Variants in CLTCL1 observed in about 807,000 individuals in gnomAD.
CLTCL1 encodes clathrin heavy chain 2.
Under a neutral mutation model 190.0 loss-of-function variants are expected in CLTCL1, and 159 were observed. The ratio of observed to expected loss-of-function variants is 0.84; its 90% CI spans 0.74 to 0.95. The LOEUF (loss-of-function observed/expected upper bound fraction) is 0.95, where lower values mean the gene tolerates loss of function less well. CLTCL1 is among the 40% of genes least tolerant of loss of function. The pLI, the probability that CLTCL1 is intolerant of heterozygous loss-of-function variation, is 0.00. For missense variants in CLTCL1, 1,878 were observed against 2,033.4 expected (o/e 0.92, Z 1.47); for synonymous variants, 752 against 769.6 (o/e 0.98, Z 0.38).
chr22:19,192,845 C>T (rs1426524690), intron 26 of CLTCL1, among the ~76,000 whole-genome samples: 1 of 152,212 alleles, frequency 6.6e-6, no homozygotes, highest in East Asian at 1.9e-4. Context: ...CACTGGTGGG[C>T]CCCCAGACTC....
In CLTCL1 at chr22:19,202,393, A is replaced by ATCCACGGCACCTCCCCCACCAC. The variant is rs2084915079; in HGVS notation, c.3601-901_3601-900insGTGGTGGGGGAGGTGCCGTGGA. Among the ~76,000 whole-genome samples, 35 of 32,260 alleles carry ATCCACGGCACCTCCCCCACCAC rather than the reference A, an allele frequency of 1.1e-3. 1 individual carries two copies. Among genetic ancestry groups the ATCCACGGCACCTCCCCCACCAC allele is most frequent in the Admixed American group, 1.4e-3 (4 of 2,842 alleles). 21.2% of individuals were successfully genotyped at this position (32,260 alleles called of 152,430 possible). On this transcript the variant is annotated intron_variant, in intron 22 of 32. Coordinates refer to ENST00000427926, the MANE Select transcript of CLTCL1 (RefSeq NM_007098.4). ...GCCATCCACAGCACCTCCCGCACCA[A>ATCCACGGCACCTCCCCCACCAC]CCCTCCTTCCGCCATCCACGGCACC...
rs1238694667 is a variant in CLTCL1 at position 19,243,693 on chromosome 22, C to CT, written c.520-758dup. Among the ~76,000 whole-genome samples, 776 of 103,512 alleles carry CT rather than the reference C, an allele frequency of 7.5e-3. 11 individuals are homozygous for CT. The highest frequency in any genetic ancestry group is 0.045 in the South Asian group (106 of 2,380). 67.9% of individuals were successfully genotyped at this position (103,512 alleles called of 152,430 possible). On this transcript the variant is annotated intron_variant, in intron 3 of 32. Transcript: ENST00000427926. Reference sequence around the variant, plus strand: ...CTTAGAACTTGTATTTTCTTTCTTTCTTTCTTTTTTTTTTTTTTTTTTGTG... The same window carrying CT: ...CTTAGAACTTGTATTTTCTTTCTTTCTTTTCTTTTTTTTTTTTTTTTTTGTG...
Position 19,180,779 on chromosome 22 carries a change from G to C in CLTCL1, c.4855C>G (p.Leu1619Val). 6.2e-7 allele frequency: 1 copy of C among 1,613,860 alleles called. No individual in the cohort carries two copies. The change falls in exon 31 of 33, where the codon CTG becomes GTG. Residue 1619 changes from leucine (L) to valine (V), a missense_variant. Transcript: ENST00000427926. ...KVDKLDALES[L>V]RKQEEHVTEP... ...GTCACATGCTCCTCTTGCTTGCGCAGACTCTCCAAGGCATCCAGTTTGTCC... is the reference window on the plus strand; with the variant it reads ...GTCACATGCTCCTCTTGCTTGCGCACACTCTCCAAGGCATCCAGTTTGTCC...
rs782275462 is a variant in CLTCL1 at position 19,234,542 on chromosome 22, A to C, written c.1134T>G (p.Ala378=). 7.4e-6 allele frequency: 12 copies of C among 1,613,836 alleles called. No homozygotes were observed. The highest frequency in any genetic ancestry group is 1.1e-5 in the South Asian group (1 of 91,078). Residue 378 remains alanine (A), a synonymous_variant, in exon 7 of 33, where the codon GCT becomes GCG. Transcript: ENST00000427926. ...FNTLFAQGSY[A]EAAKVAASAP... is the part of the protein sequence containing the mutation. ...CAGACGCTGCAACTTTGGCGGCTTC[A>C]GCATAGCTGCCCTGTGCAAAGAGGG...
chr22:19,219,275 C>T (rs2085490214), intron 18 of CLTCL1, among the ~76,000 whole-genome samples: 1 of 151,506 alleles, frequency 6.6e-6, no homozygotes, highest in Admixed American at 6.6e-5. Flanking sequence ...CTGCAACCTC[C>T]ACCTCCTGGG....
At chr22:19,219,269 A>G (rs907860090) in intron 18 of CLTCL1, among the ~76,000 whole-genome samples, 1 of 149,430 alleles carries the variant, frequency 6.7e-6, no homozygotes, top group Non-Finnish European at 1.5e-5. Context: ...GGCTTTCTGC[A>G]ACCTCCACCT....
chr22:19,218,776 G>C (rs1308983984), intron 18 of CLTCL1, among the ~76,000 whole-genome samples: 2 of 152,234 alleles, frequency 1.3e-5, no homozygotes, highest in East Asian at 3.8e-4. Context: ...CCACAGGGCT[G>C]TGGGAAGCCC....
chr22:19,242,999 T>C, intron 3 of CLTCL1, 63 bp from the exon 4 acceptor site: 1 of 1,440,022 alleles, frequency 6.9e-7, no homozygotes. Flanking sequence ...AAACAATTCT[T>C]AAAATATATT....
chr22:19,286,359 G>A (rs1555990125), intron 1 of CLTCL1, among the ~76,000 whole-genome samples: 1 of 152,164 alleles, frequency 6.6e-6, no homozygotes, highest in South Asian at 2.1e-4. Context: ...TAACTGGCCA[G>A]TATGTATTTC....
At chr22:19,228,829 C>T (rs782393935) in intron 11 of CLTCL1, among the ~76,000 whole-genome samples, 1 of 152,120 alleles carries the variant, frequency 6.6e-6, no homozygotes, top group Non-Finnish European at 1.5e-5. Flanking sequence ...TTGATTATAC[C>T]TGCTCCCACA....
At chr22:19,239,178 A>C in intron 5 of CLTCL1, 97 bp downstream of exon 5, 1 of 914,940 alleles carries the variant, frequency 1.1e-6, no homozygotes, top group East Asian at 2.4e-5. Context: ...GGCAGGAGAC[A>C]GCAGAAGCAG....
intron 26 of CLTCL1, among the ~76,000 whole-genome samples, chr22:19,194,766 A>C (rs1279896519): frequency 6.6e-6 from 1 of 152,272 alleles, no homozygotes; most frequent in Non-Finnish European, 1.5e-5. Context: ...TCCCCTGCTC[A>C]GGCTGCTGCT....
At chr22:19,261,029 G>C (rs2086931119) in intron 2 of CLTCL1, among the ~76,000 whole-genome samples, 1 of 151,860 alleles carries the variant, frequency 6.6e-6, no homozygotes, top group Admixed American at 6.6e-5. Context: ...GATGAAAGCT[G>C]TTTTCATGCC....
intron 23 of CLTCL1, among the ~76,000 whole-genome samples, chr22:19,200,156 A>C (rs1047173948): frequency 6.6e-6 from 1 of 152,166 alleles, no homozygotes; most frequent in African/African-American, 2.4e-5. Context: ...TTTGAAAAGG[A>C]AGGCTAAAAA....
At chr22:19,199,209 A>G (rs2084803633) in intron 24 of CLTCL1, among the ~76,000 whole-genome samples, 1 of 152,124 alleles carries the variant, frequency 6.6e-6, no homozygotes, top group Non-Finnish European at 1.5e-5. Context: ...CCAGGTCCCT[A>G]AACACACAAA....
intron 22 of CLTCL1, among the ~76,000 whole-genome samples, chr22:19,202,681 T>C (rs1601503177): frequency 7.2e-6 from 1 of 138,082 alleles, no homozygotes; most frequent in Non-Finnish European, 1.6e-5. Context: ...CTGTCATCCA[T>C]AGCACCTCTA....
At chr22:19,185,577 C>T (rs1053248924) in intron 29 of CLTCL1, among the ~76,000 whole-genome samples, 18 of 152,158 alleles carry the variant, frequency 1.2e-4, no homozygotes, top group African/African-American at 3.1e-4. Context: ...CCGCCCGCCT[C>T]GGCCTCCCAA....
Position 19,201,425 on chromosome 22 carries a change from G to T in CLTCL1, c.3669C>A (p.Asn1223Lys), listed in dbSNP as rs373108948. 1.1e-5 allele frequency: 17 copies of T among 1,613,832 alleles called. No individual in the cohort carries two copies. The highest frequency in any genetic ancestry group is 8.3e-5 in the Admixed American group (5 of 60,008). Residue 1223 changes from asparagine (N) to lysine (K), a missense_variant, in exon 23 of 33, where the codon AAC becomes AAA. Transcript: ENST00000427926. ...AAKLLYSNVS[N>K]FARLASTLVH... ...CCAAGGTGGAAGCCAGGCGGGCAAA[G>T]TTAGAAACATTGCTATAGAGCAGCT... is the stretch of plus-strand genomic sequence containing the variant.
chr22:19,281,077 T>C (rs1555986380), intron 1 of CLTCL1, among the ~76,000 whole-genome samples: 1 of 151,170 alleles, frequency 6.6e-6, no homozygotes, highest in Non-Finnish European at 1.5e-5. Context: ...GATCACGAGG[T>C]CAGGAGATCG....
Sources: gnomAD v4.1 joint callset for allele counts (sites outside exome capture counted in the v4.1 genomes callset) on GRCh38, gnomAD v4.1.1 for gene constraint, MANE v1.5 for transcripts, NCBI Gene and HGNC (gene_info 2026-07-23, HGNC 2026-07-21) for gene names.